The following MDM1 variants were observed in gnomAD, a reference collection of about 807,000 sequenced individuals.
The protein encoded by MDM1 is stabilizer of axonemal microtubules 6.
Under a neutral mutation model 89.1 loss-of-function variants are expected in MDM1, and 61 were observed. The observed-to-expected ratio is 0.68, with a 90% CI of 0.56 to 0.85. The LOEUF is 0.85. Ranked by LOEUF, MDM1 falls within the 40% of genes least tolerant of loss-of-function variation. The pLI, the probability that MDM1 is intolerant of heterozygous loss-of-function variation, is 0.00. For synonymous variants in MDM1, 290 were observed against 294.1 expected, an observed-to-expected ratio of 0.99 and a Z score of 0.14; for missense variants, 820 against 846.5, an observed-to-expected ratio of 0.97 and a Z score of 0.39.
At chr12:68,311,498 C>T (rs1006436064) in intron 12 of MDM1, among the ~76,000 whole-genome samples, 2 of 152,208 alleles carry the variant, frequency 1.3e-5, no homozygotes, top group Admixed American at 6.5e-5. Context: ...TTCCTACATT[C>T]ATCAGCAGTG....
intron 12 of MDM1, among the ~76,000 whole-genome samples, chr12:68,309,064 A>C (rs1352459526): frequency 6.6e-6 from 1 of 152,230 alleles, no homozygotes; most frequent in Non-Finnish European, 1.5e-5. Context: ...GCAGCCGGAC[A>C]GATCTTGCAA....
At chr12:68,306,005 A>C (rs1476821865) in intron 12 of MDM1, among the ~76,000 whole-genome samples, 3 of 151,960 alleles carry the variant, frequency 2.0e-5, no homozygotes, top group Admixed American at 2.0e-4. Context: ...ACATTACTTG[A>C]CTTCAACCTA....
At position 68,316,126 on chromosome 12, in the gene MDM1, C is replaced by A. The variant is rs145609820; in HGVS notation, c.1163G>T (p.Ser388Ile). 3.1e-6 allele frequency: 5 copies of A among 1,613,810 alleles called. No individual in the cohort carries two copies. The African/African-American group carries it at 4.0e-5, about 13-fold the overall frequency. Reference sequence around the variant, plus strand: ...GTTGCTACTAACGGTTCCTTCTGAGCTTGTGGTTGAGGAGACATCCCAACA... The same window carrying A: ...GTTGCTACTAACGGTTCCTTCTGAGATTGTGGTTGAGGAGACATCCCAACA... ...NCCWDVSSTT[S>I]SEGTVSSNIR... Residue 388 changes from serine (S) to isoleucine (I), a missense_variant, in exon 9 of 15, where the codon AGC becomes ATC. Physicochemically the swap from Ser to Ile is moderately radical, Grantham distance 142 (BLOSUM62 -2). Coordinates refer to ENST00000682720, the MANE Select transcript of MDM1 (RefSeq NM_001354969.2).
intron 10 of MDM1, among the ~76,000 whole-genome samples, chr12:68,314,177 T>C (rs530035731): frequency 2.7e-5 from 4 of 150,584 alleles, no homozygotes; most frequent in African/African-American, 9.7e-5. Flanking sequence ...GGCCATTTTG[T>C]TTCTGAAAAA....
In MDM1 at chr12:68,316,567, C is replaced by G; in HGVS notation, c.1035+14G>C. ...TCTATGATTATAGTTTTTAAAAACT[C>G]AAAAGCAACCAACCTCAGCATACCA... On this transcript the variant is annotated intron_variant, in intron 8 of 14. Coordinates refer to ENST00000682720, the MANE Select transcript of MDM1 (RefSeq NM_001354969.2). The G allele has an allele frequency of 2.0e-6, 3 of 1,532,512 alleles. No homozygotes were observed. The highest frequency in any genetic ancestry group is 8.7e-7 in the Non-Finnish European group (1 of 1,144,404). 94.9% of individuals were successfully genotyped at this position (1,532,512 alleles called of 1,614,324 possible). A position where few individuals can be genotyped will look rare whatever the true frequency, so the allele number is the denominator to read the frequency against.
chr12:68,309,129 CTCT>C (rs1021771924), intron 12 of MDM1, among the ~76,000 whole-genome samples: 1 of 152,220 alleles, frequency 6.6e-6, no homozygotes. Flanking sequence ...CTTCCCATTG[CTCT>C]TGAGATAACG....
chr12:68,297,937 C>A (rs1476312377), intron 13 of MDM1, among the ~76,000 whole-genome samples: 1 of 152,150 alleles, frequency 6.6e-6, no homozygotes, highest in Non-Finnish European at 1.5e-5. Context: ...ACCCACCTAA[C>A]CCAGCCCCTG....
Position 68,314,985 on chromosome 12 carries a change from C to T in MDM1, c.1492G>A (p.Val498Ile), listed in dbSNP as rs775327486. The change falls in exon 10 of 15, where the codon GTA (valine) becomes ATA (isoleucine). Residue 498 changes from valine to isoleucine, a missense_variant. Coordinates refer to ENST00000682720, the MANE Select transcript of MDM1 (RefSeq NM_001354969.2). Reference protein sequence around the residue: ...AFMGEQEKLDVREKSKADKMK... With the variant: ...AFMGEQEKLDIREKSKADKMK... Reference sequence around the variant, plus strand: ...TTATCTGCCTTAGATTTCTCACGTACATCCAACTTCTCTTGCTCTCCCATA... The same window carrying T: ...TTATCTGCCTTAGATTTCTCACGTATATCCAACTTCTCTTGCTCTCCCATA... The T allele has an allele frequency of 2.5e-6, 4 of 1,614,110 alleles. No individual in the cohort carries two copies. In the East Asian group the frequency reaches 8.9e-5, roughly 36 times the overall value.
At chr12:68,321,655 T>C in intron 5 of MDM1, 27 bp from the exon 6 acceptor site, 1 of 1,453,436 alleles carries the variant, frequency 6.9e-7, no homozygotes, top group Admixed American at 1.7e-5. Context: ...TTAAGCTTTT[T>C]ATGCTTAAGA....
At chr12:68,327,615 G>GT (rs1359398640) in intron 2 of MDM1, 28 of 1,118,758 alleles carry the variant, frequency 2.5e-5, no homozygotes, top group Non-Finnish European at 3.4e-5. Flanking sequence ...TTCTATGAAG[G>GT]TAAGAGCAGC....
chr12:68,321,305 G>T, intron 7 of MDM1, 42 bp downstream of exon 7: 1 of 1,479,364 alleles, frequency 6.8e-7, no homozygotes, highest in Non-Finnish European at 9.3e-7. Flanking sequence ...GTTAACAGAG[G>T]CTGAAAGAAC....
intron 4 of MDM1, among the ~76,000 whole-genome samples, chr12:68,324,064 TAG>T (rs1345364598): frequency 6.6e-6 from 1 of 152,164 alleles, no homozygotes; most frequent in Non-Finnish European, 1.5e-5. Flanking sequence ...CTTCAATCCA[TAG>T]ACTCTGAATT....
At chr12:68,318,027 A>G (rs1325402121) in intron 7 of MDM1, among the ~76,000 whole-genome samples, 6 of 152,172 alleles carry the variant, frequency 3.9e-5, no homozygotes, top group Non-Finnish European at 2.9e-5. Context: ...GAGGTGAGGG[A>G]AAACGCAGCA....
intron 13 of MDM1, among the ~76,000 whole-genome samples, chr12:68,301,816 G>A (rs2120776903): frequency 6.6e-6 from 1 of 152,094 alleles, no homozygotes; most frequent in Non-Finnish European, 1.5e-5. Context: ...CAAGTAGCTG[G>A]AATTACAGGT....
At chr12:68,317,427 A>G (rs1592976676) in intron 7 of MDM1, among the ~76,000 whole-genome samples, 2 of 152,180 alleles carry the variant, frequency 1.3e-5, no homozygotes, top group Non-Finnish European at 2.9e-5. Context: ...AAAGCAAATA[A>G]TGAAACAGCA....
chr12:68,300,031 T>C lies in MDM1; in HGVS notation c.2002+2589A>G, dbSNP rs537873810. On this transcript the variant is annotated intron_variant, in intron 13 of 14. Transcript: ENST00000682720. The stretch of plus-strand genomic sequence containing the variant: ...AGGCAGAAGGCATTGGGGTCCTATC[T>C]TTAGCCTCCTTAAACAGAACACCTA... 6.6e-5 allele frequency among the ~76,000 whole-genome samples: 10 copies of C among 152,340 alleles called. 1 individual carries two copies. In the South Asian group the frequency reaches 1.9e-3, roughly 28 times the overall value.
intron 13 of MDM1, among the ~76,000 whole-genome samples, chr12:68,300,369 G>C (rs1482085352): frequency 6.6e-6 from 1 of 152,066 alleles, no homozygotes; most frequent in Non-Finnish European, 1.5e-5. Context: ...TGGCCTAAAT[G>C]CTCCATTTAA....
chr12:68,322,165 A>G (rs1875317291), intron 5 of MDM1, among the ~76,000 whole-genome samples: 1 of 152,206 alleles, frequency 6.6e-6, no homozygotes, highest in Admixed American at 6.5e-5. Flanking sequence ...TCAACATTCC[A>G]GGAGATTCAA....
At position 68,315,251 on chromosome 12, in the gene MDM1, T is replaced by C. The variant is rs147603760; in HGVS notation, c.1226A>G (p.His409Arg). ...AGAAGGACATTTCTGCAAAGTCTTA[T>C]GGCTTGTAGGATCTCTGCGTAACAA... ...ALDLAGDPTS[H>R]KTLQKCPSTE... Residue 409 changes from histidine to arginine, a missense_variant, in exon 10 of 15, where the codon CAT becomes CGT. Transcript: ENST00000682720. 8.6e-5 allele frequency: 139 copies of C among 1,612,786 alleles called. 2 individuals carry two copies. In the East Asian group the frequency reaches 2.1e-3, roughly 24 times the overall value.
Sources: gnomAD v4.1 joint callset for allele counts (sites outside exome capture counted in the v4.1 genomes callset) on GRCh38, gnomAD v4.1.1 for gene constraint, MANE v1.5 for transcripts, NCBI Gene and HGNC (gene_info 2026-07-23, HGNC 2026-07-21) for gene names.